TTN: variants seen among roughly 807,000 people sequenced by gnomAD.
TTN encodes connectin.
TTN carries 1,525 observed loss-of-function variants against 3,223.0 expected under a neutral mutation model. The observed-to-expected ratio is 0.47, with a 90% CI of 0.45 to 0.49. The LOEUF (loss-of-function observed/expected upper bound fraction) is 0.49. Ranked by LOEUF, TTN falls within the 20% of genes least tolerant of loss-of-function variation. The pLI is 0.00. For synonymous variants in TTN, 14,094 were observed against 15,161.0 expected, an observed-to-expected ratio of 0.93 and a Z score of 5.17; for missense variants, 40,786 against 43,424.0, an observed-to-expected ratio of 0.94 and a Z score of 5.40.
Position 178,532,422 on chromosome 2 carries a change from A to G in TTN, c.104193T>C (p.Tyr34731=). 1 of 1,613,970 alleles carries G rather than the reference A, an allele frequency of 6.2e-7. No individual in the cohort carries two copies. Among genetic ancestry groups the G allele is most frequent in the Non-Finnish European group, 8.5e-7 (1 of 1,179,866 alleles). The change falls in exon 358 of 363, where the codon TAT becomes TAC. Residue 34731 remains tyrosine, a synonymous_variant. Coordinates refer to ENST00000589042, the MANE Select transcript of TTN (RefSeq NM_001267550.2). ...ETRKDFRYST[Y]HIPTKAEAST... ...TAGCTTCAGCCTTCGTTGGGATGTG[A>G]TAGGTTGAATACCTGAAGTCTTTTC...
Position 178,768,008 on chromosome 2 carries a change from A to G in TTN, c.9305+6T>C. On this transcript the variant is annotated splice_donor_region_variant and intron_variant, in intron 39 of 362. Coordinates refer to ENST00000589042, the MANE Select transcript of TTN (RefSeq NM_001267550.2). ...TACTGGAATGTAGCAAGACAAAACAACTGACCTGTCTGTGATCTGCAGTTC... is the reference window on the plus strand; with the variant it reads ...TACTGGAATGTAGCAAGACAAAACAGCTGACCTGTCTGTGATCTGCAGTTC... The G allele has an allele frequency of 6.2e-7, 1 of 1,614,132 alleles. No homozygotes were observed. Among genetic ancestry groups the G allele is most frequent in the South Asian group, 1.1e-5 (1 of 91,088 alleles).
Position 178,731,003 on chromosome 2 carries a change from T to G in TTN, c.17662A>C (p.Lys5888Gln), listed in dbSNP as rs1176630529. The part of the protein sequence containing the change: ...SILKIISTEK[K>Q]DSGEYTFEVQ... Reference sequence around the variant, plus strand: ...TCGAAAGTATATTCTCCACTATCTTTCTTTTCTGTAGAAATAATCTTCAGT... The same window carrying G: ...TCGAAAGTATATTCTCCACTATCTTGCTTTTCTGTAGAAATAATCTTCAGT... Residue 5888 changes from lysine (K) to glutamine (Q), a missense_variant, in exon 60 of 363, where the codon AAA becomes CAA. Lys to Gln is a moderately conservative substitution (Grantham distance 53). Transcript: ENST00000589042. 1 of 1,613,646 alleles carries G rather than the reference T, an allele frequency of 6.2e-7. No individual in the cohort carries two copies. Among genetic ancestry groups the G allele is most frequent in the South Asian group, 1.1e-5 (1 of 91,038 alleles).
Position 178,625,334 on chromosome 2 carries a change from A to T in TTN, c.44487T>A (p.Asp14829Glu), listed in dbSNP as rs1559907952. The change falls in exon 241 of 363, where the codon GAT becomes GAA. Residue 14829 changes from aspartate (D) to glutamate (E), a missense_variant. By Grantham distance (45) the Asp-to-Glu change is conservative (BLOSUM62 2). Coordinates refer to ENST00000589042, the MANE Select transcript of TTN (RefSeq NM_001267550.2). ...TLTLRDVKLE[D>E]AGEVQLTAKD... ...TTGCTGTTAGTTGGACTTCCCCAGCATCTTCTAACTTTACATCCCTCAGAG... is the reference window on the plus strand; with the variant it reads ...TTGCTGTTAGTTGGACTTCCCCAGCTTCTTCTAACTTTACATCCCTCAGAG... 1 of 1,604,034 alleles carries T rather than the reference A, an allele frequency of 6.2e-7. No individual in the cohort carries two copies. The highest frequency in any genetic ancestry group is 8.5e-7 in the Non-Finnish European group (1 of 1,175,624).
Position 178,678,823 on chromosome 2 carries a change from T to C in TTN, c.33750A>G (p.Glu11250=). 2 of 1,589,270 alleles carry C rather than the reference T, an allele frequency of 1.3e-6. No homozygotes were observed. Among genetic ancestry groups the C allele is most frequent in the Non-Finnish European group, 1.7e-6 (2 of 1,172,014 alleles). ...CCTCTGGCACAGGTTTCTTGGGCACTTCAGGAACTTCAAAGATATCAAATA... is the reference window on the plus strand; with the variant it reads ...CCTCTGGCACAGGTTTCTTGGGCACCTCAGGAACTTCAAAGATATCAAATA... The part of the protein sequence containing the change: ...KEKPPPAKVP[E]VPKKPVPEEK... Residue 11250 remains glutamate (E), a synonymous_variant, in exon 143 of 363, where the codon GAA becomes GAG. Transcript: ENST00000589042.
In TTN at chr2:178,734,558, C is replaced by A. The variant is rs758657662; in HGVS notation, c.15266G>T (p.Gly5089Val). The change falls in exon 52 of 363, where the codon GGA (glycine) becomes GTA (valine). Residue 5089 changes from glycine to valine, a missense_variant. Gly to Val is a moderately radical substitution (Grantham distance 109). Coordinates refer to ENST00000589042, the MANE Select transcript of TTN (RefSeq NM_001267550.2). ...KTLEPADIVR[G>V]TNALLQCEVS... The stretch of plus-strand genomic sequence containing the variant: ...TTCACACTGAAGTAGAGCATTTGTT[C>A]CTCTCACTATGTCTGCAGGCTCAAG... The A allele has an allele frequency of 1.2e-6, 2 of 1,602,152 alleles. No individual in the cohort carries two copies. Among genetic ancestry groups the A allele is most frequent in the Non-Finnish European group, 1.7e-6 (2 of 1,173,192 alleles).
At chr2:178,551,529 TA>T in intron 335 of TTN, 100 bp downstream of exon 335, 1 of 1,026,912 alleles carries the variant, frequency 9.7e-7, no homozygotes, top group Admixed American at 3.1e-5. Flanking sequence ...GACAAGAAGA[TA>T]TGTAAGAAGG....
chr2:178,678,926 T>TA (rs952480877), intron 142 of TTN, 96 bp from the exon 143 acceptor site: 12 of 967,686 alleles, frequency 1.2e-5, no homozygotes, highest in Middle Eastern at 4.3e-4. Context: ...GCAGCATAGA[T>TA]ATTCTATCAA....
intron 47 of TTN, chr2:178,747,362 G>C (rs1299655283): frequency 1.9e-6 from 3 of 1,613,316 alleles, no homozygotes; most frequent in Admixed American, 3.3e-5. Flanking sequence ...GGATTGTTTA[G>C]TTATATCTGA....
At chr2:178,780,978 T>C in intron 21 of TTN, 143 bp downstream of exon 21, 1 of 1,059,166 alleles carries the variant, frequency 9.4e-7, no homozygotes, top group Non-Finnish European at 1.4e-6. Flanking sequence ...GTCTAAAACA[T>C]TTTCCATACA....
chr2:178,547,410 A>G lies in TTN; in HGVS notation c.94216T>C (p.Phe31406Leu). ...ESAPIIAEHP[F>L]VPPSAPTRPE... ...ATAGGATTTTTATTTTTCTTACCAA[A>G]TGGATGTTCAGCAATTATTGGTGCT... Residue 31406 changes from phenylalanine (F) to leucine (L), a missense_variant, in exon 339 of 363, where the codon TTT becomes CTT. Physicochemically the swap from Phe to Leu is conservative, Grantham distance 22 (BLOSUM62 0). Coordinates refer to ENST00000589042, the MANE Select transcript of TTN (RefSeq NM_001267550.2). 2 of 1,595,158 alleles carry G rather than the reference A, an allele frequency of 1.3e-6. No individual in the cohort carries two copies. The highest frequency in any genetic ancestry group is 1.7e-6 in the Non-Finnish European group (2 of 1,169,380).
intron 308 of TTN, among the ~76,000 whole-genome samples, chr2:178,585,607 G>A (rs751787582): frequency 9.9e-5 from 15 of 151,894 alleles, no homozygotes; most frequent in Non-Finnish European, 2.2e-4. Flanking sequence ...CCCAACCCCT[G>A]ACAGGCCCCA....
Position 178,559,950 on chromosome 2 carries a change from C to G in TTN, c.86182G>C (p.Val28728Leu), listed in dbSNP as rs759990422. ...GAEYVFRVKS[V>L]NKVGASDPSD... ...GGGTCACTAGCACCAACCTTATTGA[C>G]AGATTTTACTCTGAAAACATATTCA... The change falls in exon 326 of 363, where the codon GTC becomes CTC. Residue 28728 changes from valine to leucine, a missense_variant. Physicochemically the swap from Val to Leu is conservative, Grantham distance 32. Transcript: ENST00000589042. 4 of 1,613,716 alleles carry G rather than the reference C, an allele frequency of 2.5e-6. No homozygotes were observed. The highest frequency in any genetic ancestry group is 3.4e-6 in the Non-Finnish European group (4 of 1,179,812).
chr2:178,710,404 G>A (rs750147501), intron 98 of TTN, among the ~76,000 whole-genome samples: 1 of 152,156 alleles, frequency 6.6e-6, no homozygotes, highest in African/African-American at 2.4e-5. Context: ...CTGAGATCAC[G>A]CCACTGTACT....
chr2:178,588,831 C>T lies in TTN; in HGVS notation c.62894G>A (p.Gly20965Asp). Residue 20965 changes from glycine to aspartate, a missense_variant, in exon 304 of 363, where the codon GGT becomes GAT. By Grantham distance (94) the Gly-to-Asp change is moderately conservative. Transcript: ENST00000589042. ...VIAKTKYDKP[G>D]RPDPPEVTKV... ...AGTGACTTCTGGGGGATCAGGGCGA[C>T]CAGGTTTATCATACTTGGTTTTGGC... The T allele has an allele frequency of 6.2e-7, 1 of 1,613,348 alleles. No homozygotes were observed. Among genetic ancestry groups the T allele is most frequent in the Non-Finnish European group, 8.5e-7 (1 of 1,179,604 alleles).
intron 47 of TTN, chr2:178,747,375 G>A: frequency 6.2e-7 from 1 of 1,613,284 alleles, no homozygotes; most frequent in Non-Finnish European, 8.5e-7. Flanking sequence ...ATATCTGAAG[G>A]ATTAAAATAT....
intron 99 of TTN, 93 bp from the exon 100 acceptor site, chr2:178,707,906 AACAGG>A (rs1286127679): frequency 2.3e-5 from 31 of 1,319,322 alleles, no homozygotes; most frequent in Non-Finnish European, 3.2e-5. Flanking sequence ...ACTGGCCTCT[AACAGG>A]TAACACTGTT....
intron 25 of TTN, 34 bp from the exon 26 acceptor site, chr2:178,777,618 A>T: frequency 6.2e-7 from 1 of 1,613,428 alleles, no homozygotes; most frequent in Non-Finnish European, 8.5e-7. Context: ...AGTAGATTTT[A>T]AAATAGTTTT....
At position 178,771,135 on chromosome 2, in the gene TTN, A is replaced by G. The variant is rs1249825585; in HGVS notation, c.8116+76T>C. 3.7e-6 allele frequency: 6 copies of G among 1,603,218 alleles called. No individual in the cohort carries two copies. The African/African-American group carries it at 5.4e-5, about 14-fold the overall frequency. ...AAAATTTATGGTATCCAAAATGGCC[A>G]TATCGTTTGTCTTTTAAAACGATAA... On this transcript the variant is annotated intron_variant, in intron 34 of 362. Transcript: ENST00000589042.
chr2:178,554,628 C>G lies in TTN; in HGVS notation c.88719G>C (p.Lys29573Asn), dbSNP rs951559577. ...GAKITHYIVE[K>N]RETSRVVWSM... Reference sequence around the variant, plus strand: ...ACCACACAACGCGGCTTGTCTCACGCTTTTCCACAATGTAGTGAGTGATTT... The same window carrying G: ...ACCACACAACGCGGCTTGTCTCACGGTTTTCCACAATGTAGTGAGTGATTT... Residue 29573 changes from lysine to asparagine, a missense_variant, in exon 332 of 363, where the codon AAG becomes AAC. Transcript: ENST00000589042. The G allele has an allele frequency of 6.2e-7, 1 of 1,613,924 alleles. No individual in the cohort carries two copies. Among genetic ancestry groups the G allele is most frequent in the Admixed American group, 1.7e-5 (1 of 60,016 alleles).
Sources: gnomAD v4.1 joint callset for allele counts (sites outside exome capture counted in the v4.1 genomes callset) on GRCh38, gnomAD v4.1.1 for gene constraint, MANE v1.5 for transcripts, NCBI Gene and HGNC (gene_info 2026-07-23, HGNC 2026-07-21) for gene names.